YAP1: variants seen among roughly 807,000 people sequenced by gnomAD.
YAP1 encodes Yes1 associated transcriptional regulator.
YAP1 carries 5 observed loss-of-function variants against 56.9 expected under a neutral mutation model. The ratio of observed to expected loss-of-function variants is 0.09; its 90% confidence interval spans 0.05 to 0.18. The LOEUF (loss-of-function observed/expected upper bound fraction) is 0.18, where lower values mean the gene tolerates loss of function less well. YAP1 is among the 10% of genes least tolerant of loss of function. YAP1 has a pLI of 1.00. For missense variants in YAP1, 539 were observed against 651.8 expected (o/e 0.83, Z 1.88); for synonymous variants, 265 against 248.1 (o/e 1.07, Z -0.64).
chr11:102,218,687 G>A (rs1565281545), intron 6 of YAP1, among the ~76,000 whole-genome samples: 1 of 152,092 alleles, frequency 6.6e-6, no homozygotes, highest in Non-Finnish European at 1.5e-5. Flanking sequence ...CTCAAATATA[G>A]GTTTAATGAG....
intron 3 of YAP1, among the ~76,000 whole-genome samples, chr11:102,171,467 T>C (rs1427337098): frequency 6.6e-6 from 1 of 152,228 alleles, no homozygotes; most frequent in East Asian, 1.9e-4. Context: ...AAAACTTTCT[T>C]TAGGTTAAAA....
At chr11:102,217,254 C>T (rs188380343) in intron 6 of YAP1, among the ~76,000 whole-genome samples, 5 of 152,118 alleles carry the variant, frequency 3.3e-5, no homozygotes, top group Admixed American at 3.3e-4. Context: ...GTATGTTGGC[C>T]TTACATAAAA....
rs1056881426 is a variant in YAP1 at position 102,118,071 on chromosome 11, C to A, written c.572+3677C>A. Among the ~76,000 whole-genome samples the A allele has an allele frequency of 2.0e-5, 3 of 152,214 alleles. No individual in the cohort carries two copies. The South Asian group carries it at 6.2e-4, about 32-fold the overall frequency. On this transcript the variant is annotated intron_variant, in intron 2 of 8. Transcript: ENST00000282441. ...GACTCTGATGCCTTATAACTATTAC[C>A]ATGTTCAAAGATATGTGTTCTTATA...
At chr11:102,181,777 A>C (rs188927427) in intron 3 of YAP1, among the ~76,000 whole-genome samples, 1 of 152,136 alleles carries the variant, frequency 6.6e-6, no homozygotes, top group Non-Finnish European at 1.5e-5. Flanking sequence ...TTTGAGAAAT[A>C]CTTCTGTACT....
intron 3 of YAP1, among the ~76,000 whole-genome samples, chr11:102,172,300 ATTTT>A (rs752185861): frequency 3.6e-5 from 4 of 110,836 alleles, no homozygotes; most frequent in African/African-American, 8.5e-5. Flanking sequence ...ACAGTGAAGA[ATTTT>A]TTTTTTTTTT....
At chr11:102,210,039 C>CAAA (rs1297309965) in intron 6 of YAP1, among the ~76,000 whole-genome samples, 1 of 152,064 alleles carries the variant, frequency 6.6e-6, no homozygotes, top group African/African-American at 2.4e-5. Context: ...GGAAAAATAT[C>CAAA]AAAATTATCA....
intron 3 of YAP1, among the ~76,000 whole-genome samples, chr11:102,185,386 C>T (rs1947892721): frequency 6.6e-6 from 1 of 152,138 alleles, no homozygotes; most frequent in Non-Finnish European, 1.5e-5. Context: ...CTTGCCTCCT[C>T]CCAAGCCTCC....
chr11:102,201,812 C>T (rs1396505794), intron 4 of YAP1, among the ~76,000 whole-genome samples: 3 of 151,876 alleles, frequency 2.0e-5, no homozygotes, highest in Non-Finnish European at 2.9e-5. Context: ...AAAAAAGCAA[C>T]AGAATAATAA....
chr11:102,209,678 T>C, intron 6 of YAP1, 114 bp downstream of exon 6: 1 of 972,330 alleles, frequency 1.0e-6, no homozygotes, highest in Non-Finnish European at 1.4e-6. Context: ...GCCCAGAGAA[T>C]AACTTTGAGC....
intron 3 of YAP1, among the ~76,000 whole-genome samples, chr11:102,174,386 C>T (rs559558376): frequency 1.3e-5 from 2 of 152,142 alleles, no homozygotes; most frequent in African/African-American, 4.8e-5. Context: ...ATCATGAGGT[C>T]AACAGATCGA....
chr11:102,127,404 G>A (rs999696953), intron 2 of YAP1, among the ~76,000 whole-genome samples: 4 of 152,304 alleles, frequency 2.6e-5, no homozygotes, highest in Admixed American at 2.6e-4. Context: ...AGGGGCCAAC[G>A]TATGGCTCAG....
chr11:102,161,052 TC>T (rs373342911), intron 2 of YAP1, among the ~76,000 whole-genome samples: 5 of 141,406 alleles, frequency 3.5e-5, no homozygotes, highest in African/African-American at 1.1e-4. Flanking sequence ...ATAATTTCTT[TC>T]TTTTTTTTTT....
intron 2 of YAP1, among the ~76,000 whole-genome samples, chr11:102,142,636 T>G (rs1591208889): frequency 6.6e-6 from 1 of 152,254 alleles, no homozygotes; most frequent in Non-Finnish European, 1.5e-5. Flanking sequence ...TTAGACTGTT[T>G]TGATTGTCAA....
At chr11:102,212,480 A>G (rs1949449440) in intron 6 of YAP1, among the ~76,000 whole-genome samples, 4 of 152,258 alleles carry the variant, frequency 2.6e-5, no homozygotes, top group Admixed American at 1.3e-4. Context: ...ATATCTTCTT[A>G]GTTAAATATG....
intron 4 of YAP1, among the ~76,000 whole-genome samples, chr11:102,196,650 A>G (rs577198915): frequency 2.8e-5 from 4 of 142,580 alleles, no homozygotes; most frequent in South Asian, 2.2e-4. Flanking sequence ...TTTTGAAGTG[A>G]TGAAAATGTT....
chr11:102,119,923 C>G (rs970977687), intron 2 of YAP1, among the ~76,000 whole-genome samples: 2 of 152,130 alleles, frequency 1.3e-5, no homozygotes, highest in African/African-American at 4.8e-5. Flanking sequence ...AAACTTAATG[C>G]TACCCTCTGT....
rs1943951283 is a variant in YAP1 at position 102,125,124 on chromosome 11, C to A, written c.572+10730C>A. On this transcript the variant is annotated intron_variant, in intron 2 of 8. Coordinates refer to ENST00000282441, the MANE Select transcript of YAP1 (RefSeq NM_001130145.3). ...CGCTCAGGGCTCACTGCAGCCTCAACTTCTGAACCTCAGGTGATCGTCCTG... is the reference window on the plus strand; with the variant it reads ...CGCTCAGGGCTCACTGCAGCCTCAAATTCTGAACCTCAGGTGATCGTCCTG... Among the ~76,000 whole-genome samples, 5 of 151,664 alleles carry A rather than the reference C, an allele frequency of 3.3e-5. No homozygotes were observed. The South Asian group carries it at 6.3e-4, about 19-fold the overall frequency.
chr11:102,227,428 A>T, intron 7 of YAP1, 41 bp from the exon 8 acceptor site: 1 of 1,443,078 alleles, frequency 6.9e-7, no homozygotes, highest in Non-Finnish European at 9.7e-7. Context: ...ATTGATTTTT[A>T]AAATTTTTTG....
chr11:102,161,749 A>G (rs1296108189), intron 2 of YAP1, among the ~76,000 whole-genome samples: 2 of 152,246 alleles, frequency 1.3e-5, no homozygotes, highest in Non-Finnish European at 2.9e-5. Context: ...TGTATGTCAG[A>G]TAACGTGCTA....
Sources: gnomAD v4.1 joint callset for allele counts (sites outside exome capture counted in the v4.1 genomes callset) on GRCh38, gnomAD v4.1.1 for gene constraint, MANE v1.5 for transcripts, NCBI Gene and HGNC (gene_info 2026-07-23, HGNC 2026-07-21) for gene names.